Variants in CACNA2D1 observed in about 807,000 individuals in gnomAD.
The protein encoded by CACNA2D1 is voltage-dependent calcium channel subunit alpha-2/delta-1.
A neutral mutation model predicts 171.5 loss-of-function variants in CACNA2D1; 53 were observed. That is an observed-to-expected ratio of 0.31 (90% CI 0.25 to 0.39). The LOEUF (loss-of-function observed/expected upper bound fraction) is 0.39. CACNA2D1 is among the 10% of genes least tolerant of loss of function. The probability of loss-of-function intolerance (pLI) is 1.00; values close to 1 mark genes in which losing one functional copy is unlikely to be tolerated. For missense variants in CACNA2D1, 903 were observed against 1,299.8 expected (o/e 0.69, Z 4.69); for synonymous variants, 442 against 443.1 (o/e 1.00, Z 0.03).
At position 82,170,607 on chromosome 7, in the gene CACNA2D1, G is replaced by A. The variant is rs776437957; in HGVS notation, c.297C>T (p.Arg99=). 1 of 1,612,310 alleles carries A rather than the reference G, an allele frequency of 6.2e-7. No individual in the cohort carries two copies. The stretch of plus-strand genomic sequence containing the variant: ...GAACTTTCTCCGCTTCCAATGCCAG[G>A]CGCTGAAAAACAAACAATAAATCTT... The part of the protein sequence containing the change: ...LLSNRSKALV[R]LALEAEKVQA... Residue 99 remains arginine (R), a splice_region_variant and synonymous_variant, in exon 4 of 39, where the codon CGC becomes CGT. Transcript: ENST00000356860.
At chr7:82,274,200 CGACTGTATCTTCCTCTCCA>C (rs139572623) in intron 3 of CACNA2D1, among the ~76,000 whole-genome samples, 10,081 of 152,156 alleles carry the variant, frequency 0.066, 1,113 homozygotes, top group African/African-American at 0.23. Flanking sequence ...GCTCCTCTCA[CGACTGTATCTTCCTCTCCA>C]GTCACTGAGA....
chr7:82,186,316 G>T (rs891935300), intron 3 of CACNA2D1, among the ~76,000 whole-genome samples: 8 of 150,810 alleles, frequency 5.3e-5, no homozygotes, highest in African/African-American at 1.9e-4. Context: ...TTTGAGGAAG[G>T]TGGGCAAGGT....
At chr7:82,055,514 A>C (rs1805724417) in intron 10 of CACNA2D1, among the ~76,000 whole-genome samples, 1 of 151,972 alleles carries the variant, frequency 6.6e-6, no homozygotes, top group Admixed American at 6.6e-5. Context: ...GAACCAACCG[A>C]AATGTCCAAC....
At chr7:82,403,267 A>G (rs1826643994) in intron 1 of CACNA2D1, among the ~76,000 whole-genome samples, 1 of 152,218 alleles carries the variant, frequency 6.6e-6, no homozygotes, top group African/African-American at 2.4e-5. Flanking sequence ...CTGATTAGAG[A>G]AAGATTTTGG....
chr7:82,007,378 A>G (rs1483980561), intron 16 of CACNA2D1, among the ~76,000 whole-genome samples: 6 of 152,122 alleles, frequency 3.9e-5, no homozygotes, highest in African/African-American at 1.4e-4. Flanking sequence ...GATTCTTAAA[A>G]TGTGCACACA....
At chr7:82,288,745 C>G (rs1316849669) in intron 3 of CACNA2D1, among the ~76,000 whole-genome samples, 2 of 152,182 alleles carry the variant, frequency 1.3e-5, no homozygotes, top group Non-Finnish European at 2.9e-5. Context: ...TTTTATGCTC[C>G]TATGAGCATG....
chr7:81,962,474 G>C lies in CACNA2D1; in HGVS notation c.2802C>G (p.Leu934=). The C allele has an allele frequency of 1.2e-6, 2 of 1,602,506 alleles. No homozygotes were observed. Among genetic ancestry groups the C allele is most frequent in the Middle Eastern group, 1.7e-4 (1 of 6,010 alleles). The change falls in exon 35 of 39, where the codon CTC becomes CTG. Residue 934 remains leucine (L), a synonymous_variant. Transcript: ENST00000356860. ...AAAWSILQQF[L]LSLTFPRLLE... ...GGAGTCGTGGAAAGGTCAAACTCAAGAGAAACTGCTGTAGAATAGACCTGA... is the reference window on the plus strand; with the variant it reads ...GGAGTCGTGGAAAGGTCAAACTCAACAGAAACTGCTGTAGAATAGACCTGA...
At chr7:81,981,073 A>G (rs1017000204) in intron 24 of CACNA2D1, among the ~76,000 whole-genome samples, 2 of 152,174 alleles carry the variant, frequency 1.3e-5, no homozygotes, top group Non-Finnish European at 2.9e-5. Flanking sequence ...AATGAAACAC[A>G]TATGTCTTTG....
intron 5 of CACNA2D1, among the ~76,000 whole-genome samples, chr7:82,121,775 A>C (rs1789766139): frequency 6.6e-6 from 1 of 152,040 alleles, no homozygotes; most frequent in Admixed American, 6.6e-5. Context: ...AAAAAAACAT[A>C]TGAGCTTAGG....
intron 11 of CACNA2D1, 78 bp downstream of exon 11, chr7:82,037,999 T>C: frequency 2.9e-6 from 4 of 1,365,248 alleles, no homozygotes; most frequent in Admixed American, 1.7e-5. Flanking sequence ...TCCCAGAGAG[T>C]AGTAACTATC....
intron 4 of CACNA2D1, among the ~76,000 whole-genome samples, chr7:82,155,481 T>C (rs1175184961): frequency 6.6e-6 from 1 of 152,150 alleles, no homozygotes; most frequent in Non-Finnish European, 1.5e-5. Context: ...TTTACTAATA[T>C]AACACTACAA....
chr7:82,137,332 C>A (rs978615699), intron 4 of CACNA2D1, among the ~76,000 whole-genome samples: 7 of 152,034 alleles, frequency 4.6e-5, no homozygotes, highest in African/African-American at 1.7e-4. Context: ...GGGCTACAAA[C>A]TATGTTAGAA....
intron 3 of CACNA2D1, among the ~76,000 whole-genome samples, chr7:82,286,318 T>A (rs545279866): frequency 6.6e-6 from 1 of 152,300 alleles, no homozygotes; most frequent in South Asian, 2.1e-4. Flanking sequence ...CTCTGCTCTC[T>A]TACCCTCATA....
intron 20 of CACNA2D1, among the ~76,000 whole-genome samples, chr7:81,992,778 T>C (rs2130757803): frequency 6.6e-6 from 1 of 152,330 alleles, no homozygotes; most frequent in African/African-American, 2.4e-5. Context: ...CTTTTGAAGT[T>C]TGAAAGTATT....
chr7:82,443,307 AC>A, intron 1 of CACNA2D1, 57 bp downstream of exon 1: 2 of 1,394,466 alleles, frequency 1.4e-6, no homozygotes, highest in Non-Finnish European at 1.9e-6. Flanking sequence ...ACCGACCCCC[AC>A]CCCCAACTCC....
chr7:82,441,840 T>C (rs1830527774), intron 1 of CACNA2D1, among the ~76,000 whole-genome samples: 1 of 152,200 alleles, frequency 6.6e-6, no homozygotes, highest in African/African-American at 2.4e-5. Context: ...GAGTTCTCAC[T>C]TTACAGGCCA....
chr7:82,438,958 G>C (rs555914072), intron 1 of CACNA2D1, among the ~76,000 whole-genome samples: 2 of 152,206 alleles, frequency 1.3e-5, no homozygotes, highest in East Asian at 3.9e-4. Context: ...CGTTAGAAAT[G>C]CTTATGTCCA....
intron 3 of CACNA2D1, among the ~76,000 whole-genome samples, chr7:82,276,253 CT>C (rs1809307506): frequency 6.6e-6 from 1 of 152,178 alleles, no homozygotes; most frequent in Non-Finnish European, 1.5e-5. Flanking sequence ...AAGATATAAA[CT>C]ATGTTGAAAG....
intron 3 of CACNA2D1, among the ~76,000 whole-genome samples, chr7:82,321,125 G>A (rs1487801796): frequency 6.6e-6 from 1 of 152,212 alleles, no homozygotes; most frequent in African/African-American, 2.4e-5. Flanking sequence ...GGTGCTGGGC[G>A]CAATGGCTCA....
Sources: gnomAD v4.1 joint callset for allele counts (sites outside exome capture counted in the v4.1 genomes callset) on GRCh38, gnomAD v4.1.1 for gene constraint, MANE v1.5 for transcripts, NCBI Gene and HGNC (gene_info 2026-07-23, HGNC 2026-07-21) for gene names.